The following CPPED1 variants were observed in gnomAD, a reference collection of about 807,000 sequenced individuals.
CPPED1 encodes calcineurin like phosphoesterase domain containing 1, also known as serine/threonine-protein phosphatase CPPED1.
A neutral mutation model predicts 28.0 loss-of-function variants in CPPED1; 28 were observed. That is an observed-to-expected ratio of 1.00 (90% confidence interval 0.74 to 1.37). CPPED1 has a LOEUF of 1.37. Ranked by LOEUF, CPPED1 falls within the 40% of genes most tolerant of loss-of-function variation. The pLI, the probability that CPPED1 is intolerant of heterozygous loss-of-function variation, is 0.00. For missense variants in CPPED1, 504 were observed against 416.5 expected, an observed-to-expected ratio of 1.21 and a Z score of -1.83; for synonymous variants, 198 against 180.2, an observed-to-expected ratio of 1.10 and a Z score of -0.79.
intron 3 of CPPED1, among the ~76,000 whole-genome samples, chr16:12,690,981 G>A (rs1013850823): frequency 2.6e-5 from 4 of 152,172 alleles, no homozygotes; most frequent in Admixed American, 2.0e-4. Context: ...TGCCCCACAC[G>A]GGTATCCCGG....
At chr16:12,694,762 T>TA (rs1345161168) in intron 3 of CPPED1, among the ~76,000 whole-genome samples, 1 of 136,342 alleles carries the variant, frequency 7.3e-6, no homozygotes, top group Non-Finnish European at 1.6e-5. Context: ...GAGTGTGAGA[T>TA]AGTTTTTTAA....
At chr16:12,780,959 C>T (rs916068238) in intron 2 of CPPED1, 20 of 553,512 alleles carry the variant, frequency 3.6e-5, no homozygotes, top group Non-Finnish European at 5.5e-5. Context: ...CTCAAATCAT[C>T]AGAACTGTAG....
intron 2 of CPPED1, among the ~76,000 whole-genome samples, chr16:12,749,054 G>A (rs371988077): frequency 2.0e-4 from 30 of 152,090 alleles, no homozygotes; most frequent in African/African-American, 7.0e-4. Flanking sequence ...TCTGACTGAT[G>A]AGGACGCTAG....
intron 2 of CPPED1, among the ~76,000 whole-genome samples, chr16:12,740,050 A>AAAAGG (rs923857984): frequency 1.3e-5 from 2 of 150,852 alleles, no homozygotes; most frequent in Admixed American, 1.3e-4. Flanking sequence ...AAAAGAAAAG[A>AAAAGG]AAAGGAAGGA....
chr16:12,791,609 C>A (rs950501917), intron 1 of CPPED1, among the ~76,000 whole-genome samples: 52 of 152,262 alleles, frequency 3.4e-4, no homozygotes, highest in Admixed American at 1.0e-3. Flanking sequence ...ACTCTTGGGC[C>A]AGGTATTCAT....
chr16:12,783,447 C>T (rs906296468), intron 1 of CPPED1, among the ~76,000 whole-genome samples: 3 of 151,756 alleles, frequency 2.0e-5, no homozygotes, highest in East Asian at 1.9e-4. Flanking sequence ...TACAGTGAGC[C>T]GAAATCATGC....
rs993701103 is a variant in CPPED1 at position 12,776,347 on chromosome 16, T to C, written c.289+4838A>G. 3.5e-4 allele frequency among the ~76,000 whole-genome samples: 54 copies of C among 152,170 alleles called. 1 individual carries two copies. Among genetic ancestry groups the C allele is most frequent in the African/African-American group, 1.2e-3 (51 of 41,440 alleles). On this transcript the variant is annotated intron_variant, in intron 2 of 3. Transcript: ENST00000381774. The stretch of plus-strand genomic sequence containing the variant: ...AAGAGAACTGTTTGATTCCACTAAG[T>C]TGGTGGTAATTTGTGATAGCAGGAA...
intron 2 of CPPED1, among the ~76,000 whole-genome samples, chr16:12,715,194 G>A (rs1412042743): frequency 6.6e-6 from 1 of 152,094 alleles, no homozygotes; most frequent in Non-Finnish European, 1.5e-5. Context: ...GATGACTGCA[G>A]GCTTCTAGTA....
At chr16:12,800,948 A>AT in intron 1 of CPPED1, among the ~76,000 whole-genome samples, 1 of 152,232 alleles carries the variant, frequency 6.6e-6, no homozygotes, top group Non-Finnish European at 1.5e-5. Context: ...GCCAAGCATT[A>AT]TTTTTTGTGC....
chr16:12,673,592 C>T lies in CPPED1; in HGVS notation c.716-8477G>A, dbSNP rs74741624. On this transcript the variant is annotated intron_variant, in intron 3 of 3. Transcript: ENST00000381774. ...CAAGTGCCCAGAGGACCTCTCAGAG[C>T]GGGTCTCCCCAGACCCGTGGACAGC... Among the ~76,000 whole-genome samples the T allele has an allele frequency of 1.9e-3, 292 of 152,244 alleles. 1 individual carries two copies. The highest frequency in any genetic ancestry group is 3.2e-3 in the Non-Finnish European group (221 of 68,002).
At chr16:12,770,085 G>T (rs186561066) in intron 2 of CPPED1, among the ~76,000 whole-genome samples, 320 of 152,302 alleles carry the variant, frequency 2.1e-3, no homozygotes, top group Non-Finnish European at 3.1e-3. Context: ...GGTAGGCGGT[G>T]CAGGAACTTA....
At chr16:12,678,287 G>A (rs985222750) in intron 3 of CPPED1, among the ~76,000 whole-genome samples, 4 of 152,102 alleles carry the variant, frequency 2.6e-5, no homozygotes, top group East Asian at 1.9e-4. Flanking sequence ...CTGTCCTGAC[G>A]GTCAGAAAGA....
chr16:12,774,346 T>C (rs981822334), intron 2 of CPPED1, among the ~76,000 whole-genome samples: 18 of 151,830 alleles, frequency 1.2e-4, no homozygotes, highest in African/African-American at 4.4e-4. Flanking sequence ...CAGGCGCCTG[T>C]AATCCCAGCT....
intron 2 of CPPED1, among the ~76,000 whole-genome samples, chr16:12,767,442 G>C (rs1347743386): frequency 6.6e-6 from 1 of 152,060 alleles, no homozygotes; most frequent in Non-Finnish European, 1.5e-5. Flanking sequence ...CAGCTATCTG[G>C]GCACCTCCTA....
chr16:12,681,075 T>C lies in CPPED1; in HGVS notation c.716-15960A>G, dbSNP rs190334442. ...ACCTTTACCTAAAGCCAGCTCATAC[T>C]CTAAAACCTGAAGAGATTTCTTTGC... On this transcript the variant is annotated intron_variant, in intron 3 of 3. Coordinates refer to ENST00000381774, the MANE Select transcript of CPPED1 (RefSeq NM_018340.3). 1.8e-4 allele frequency among the ~76,000 whole-genome samples: 28 copies of C among 152,248 alleles called. No individual in the cohort carries two copies. In the East Asian group the frequency reaches 5.2e-3, roughly 28 times the overall value.
intron 2 of CPPED1, among the ~76,000 whole-genome samples, chr16:12,735,050 G>A (rs768101407): frequency 6.6e-6 from 1 of 152,152 alleles, no homozygotes; most frequent in Non-Finnish European, 1.5e-5. Context: ...GCAGCCGGGA[G>A]TACTATCTGG....
At chr16:12,776,060 A>T (rs2080495734) in intron 2 of CPPED1, among the ~76,000 whole-genome samples, 1 of 152,216 alleles carries the variant, frequency 6.6e-6, no homozygotes, top group Non-Finnish European at 1.5e-5. Flanking sequence ...AAGGATCTTG[A>T]GATGGAAACA....
intron 2 of CPPED1, among the ~76,000 whole-genome samples, chr16:12,715,959 G>C (rs1319395107): frequency 2.6e-5 from 4 of 152,272 alleles, no homozygotes; most frequent in African/African-American, 9.6e-5. Flanking sequence ...CAAAAGACTG[G>C]ACACCCCTGG....
chr16:12,688,939 C>T (rs899512562), intron 3 of CPPED1, among the ~76,000 whole-genome samples: 1 of 152,164 alleles, frequency 6.6e-6, no homozygotes, highest in African/African-American at 2.4e-5. Context: ...AGACTGATTG[C>T]AGGCATTTGT....
Sources: gnomAD v4.1 joint callset for allele counts (sites outside exome capture counted in the v4.1 genomes callset) on GRCh38, gnomAD v4.1.1 for gene constraint, MANE v1.5 for transcripts, NCBI Gene and HGNC (gene_info 2026-07-23, HGNC 2026-07-21) for gene names.